LEPROTL1: variants seen among roughly 807,000 people sequenced by gnomAD.
The protein encoded by LEPROTL1 is leptin receptor overlapping transcript-like 1.
In LEPROTL1, 6 loss-of-function variants were observed where a neutral mutation model predicts 15.4. The observed-to-expected ratio is 0.39, with a 90% CI of 0.21 to 0.77. LEPROTL1 has a LOEUF of 0.77. Ranked by LOEUF, LEPROTL1 falls within the 30% of genes least tolerant of loss-of-function variation. The pLI is 0.41. For missense variants in LEPROTL1, 128 were observed against 158.1 expected, an observed-to-expected ratio of 0.81 and a Z score of 1.02; for synonymous variants, 56 against 52.6, an observed-to-expected ratio of 1.06 and a Z score of -0.28.
chr8:30,110,404 G>A (rs1158089071), downstream of LEPROTL1, among the ~76,000 whole-genome samples: 1 of 151,990 alleles, frequency 6.6e-6, no homozygotes, highest in Non-Finnish European at 1.5e-5. Flanking sequence ...TGTAGTGGGG[G>A]CAGAATCAGG....
intron 3 of LEPROTL1, chr8:30,117,509 C>T: frequency 1.4e-6 from 2 of 1,384,216 alleles, no homozygotes; most frequent in Non-Finnish European, 2.0e-6. Context: ...AGATTTTCTG[C>T]CATTTTTCCA....
chr8:30,110,724 ACT>A (rs1484300898), downstream of LEPROTL1, among the ~76,000 whole-genome samples: 4 of 151,924 alleles, frequency 2.6e-5, no homozygotes, highest in East Asian at 1.9e-4. Flanking sequence ...GCAGAGTGAG[ACT>A]CTGTCCCAAA....
rs756690036 is a variant in LEPROTL1, at chr8:30,104,351, A to G, written c.144A>G (p.Pro48=). ...VLFFYILSPI[P]YCIARRLVDD... is the part of the protein sequence containing the mutation. ...TTTTTTACATCCTTTCACCTATTCC[A>G]TACTGCATAGCAAGAAGATTAGTGG... The change falls in exon 3 of 4, where the codon CCA becomes CCG. Residue 48 remains proline (P), a synonymous_variant. Transcript: ENST00000321250. The G allele has an allele frequency of 1.2e-6, 2 of 1,607,384 alleles. No individual in the cohort carries two copies. The highest frequency in any genetic ancestry group is 1.1e-5 in the South Asian group (1 of 89,582).
intron 3 of LEPROTL1, among the ~76,000 whole-genome samples, chr8:30,121,872 T>TA (rs34458598): frequency 0.98 from 148,540 of 151,008 alleles, 73,093 homozygotes; most frequent in Middle Eastern, 1. Context: ...TTTTTATCTT[T>TA]AAAAAAAAAT....
downstream of LEPROTL1, among the ~76,000 whole-genome samples, chr8:30,112,401 ATTTTTTTTTTTTT>A (rs10684450): frequency 9.3e-4 from 26 of 27,890 alleles, 2 homozygotes; most frequent in Admixed American, 4.9e-3. Context: ...TGCCCAGCTA[ATTTTTTTTTTTTT>A]TTTTTTTTTT....
rs36203909 is a variant in LEPROTL1, at chr8:30,106,569, TTAAGG to T, written c.*713_*717del. ...TTGTTAGAAGAATTTATGTTAAACT[TTAAGG>T]TAAGGGTGTAAAAACATTTTTGAGA... On this transcript the variant is annotated 3_prime_UTR_variant, in exon 4 of 4. Transcript: ENST00000321250. The T allele has an allele frequency of 6.2e-3, 6,135 of 984,704 alleles. 305 individuals carry two copies. The African/African-American group carries it at 0.099, about 16-fold the overall frequency. The allele number at this position is 984,704 out of a possible 1,614,324, so 61.0% of individuals were successfully genotyped here.
At chr8:30,108,797 T>A (rs2117492704), downstream of LEPROTL1, among the ~76,000 whole-genome samples, 1 of 152,218 alleles carries the variant, frequency 6.6e-6, no homozygotes, top group Admixed American at 6.5e-5. Flanking sequence ...CTGGCTAATT[T>A]TTGTATTTCT....
At chr8:30,126,515 G>A (rs978310966) in intron 3 of LEPROTL1, among the ~76,000 whole-genome samples, 4 of 152,212 alleles carry the variant, frequency 2.6e-5, no homozygotes, top group Non-Finnish European at 4.4e-5. Context: ...CAGACTGAAT[G>A]TGTATCAGTG....
chr8:30,119,929 C>T (rs1054384094), intron 3 of LEPROTL1, among the ~76,000 whole-genome samples: 6 of 152,130 alleles, frequency 3.9e-5, no homozygotes, highest in East Asian at 3.9e-4. Flanking sequence ...ACTAGCAGAG[C>T]GTGGTGGCGT....
chr8:30,115,041 T>C (rs1040365402), intron 3 of LEPROTL1, among the ~76,000 whole-genome samples: 1 of 152,118 alleles, frequency 6.6e-6, no homozygotes, highest in Admixed American at 6.5e-5. Context: ...CTCCTGAAAC[T>C]CATGTACAGT....
At chr8:30,096,244 A>G in intron 1 of LEPROTL1, 3 of 960,294 alleles carry the variant, frequency 3.1e-6, no homozygotes, top group Non-Finnish European at 3.7e-6. Context: ...CAACTTAATG[A>G]AAAACTACTG....
chr8:30,132,424 C>T lies in LEPROTL1; in HGVS notation c.329C>T (p.Thr110Ile), dbSNP rs1387820433. The T allele has an allele frequency of 3.2e-6, 5 of 1,551,638 alleles. No individual in the cohort carries two copies. In the African/African-American group the frequency reaches 6.8e-5, roughly 21 times the overall value. ...ATATCCCTCCTCTCCAGGGCTCTGA[C>T]CAAGCTCAGGCCCAAAGCCCGCTGC... The change falls in exon 4 of 5, where the codon ACC becomes ATC. Residue 110 changes from threonine to isoleucine, a missense_variant. Thr to Ile is a moderately conservative substitution (Grantham distance 89). Coordinates refer to the LEPROTL1 transcript ENST00000442880.
At chr8:30,137,297 A>G in exon 5 of LEPROTL1, 1 of 1,551,672 alleles carries the variant, frequency 6.4e-7, no homozygotes, top group Non-Finnish European at 8.7e-7. Flanking sequence ...TTCTTCAGCA[A>G]GATGGGAACA....
intron 3 of LEPROTL1, among the ~76,000 whole-genome samples, chr8:30,119,313 C>T (rs1585473887): frequency 6.6e-6 from 1 of 152,122 alleles, no homozygotes; most frequent in African/African-American, 2.4e-5. Context: ...GGGTACAGGT[C>T]AAAATGGAGT....
intron 1 of LEPROTL1, among the ~76,000 whole-genome samples, chr8:30,099,913 T>G (rs1240371214): frequency 6.6e-6 from 1 of 152,174 alleles, no homozygotes; most frequent in East Asian, 1.9e-4. Flanking sequence ...TGTAGTAGCC[T>G]GGTGTGACAC....
In LEPROTL1 at chr8:30,105,767, C is replaced by T; in HGVS notation, c.301C>T (p.Leu101Phe). ...AHLIEWGACA[L>F]VLTGNTVIFA... ...ATAGATTGAGTGGGGAGCTTGTGCA[C>T]TTGTTCTCACAGGAAACACAGTCAT... The change falls in exon 4 of 4, where the codon CTT becomes TTT. Residue 101 changes from leucine to phenylalanine, a missense_variant. By Grantham distance (22) the Leu-to-Phe change is conservative. Coordinates refer to ENST00000321250, the MANE Select transcript of LEPROTL1 (RefSeq NM_015344.3). 8 of 1,587,866 alleles carry T rather than the reference C, an allele frequency of 5.0e-6. No homozygotes were observed. The highest frequency in any genetic ancestry group is 6.9e-6 in the Non-Finnish European group (8 of 1,165,940).
At chr8:30,117,104 G>C (rs1802753484) in intron 3 of LEPROTL1, among the ~76,000 whole-genome samples, 1 of 151,958 alleles carries the variant, frequency 6.6e-6, no homozygotes, top group African/African-American at 2.4e-5. Context: ...CATACTGTTT[G>C]ACCTACTAAC....
intron 1 of LEPROTL1, among the ~76,000 whole-genome samples, chr8:30,100,379 GTTATT>G (rs1802446135): frequency 6.6e-6 from 1 of 152,168 alleles, no homozygotes; most frequent in Non-Finnish European, 1.5e-5. Context: ...AACAAAACTA[GTTATT>G]TTCTTAGCCA....
At chr8:30,133,077 A>G (rs1172084679) in intron 4 of LEPROTL1, among the ~76,000 whole-genome samples, 4 of 152,062 alleles carry the variant, frequency 2.6e-5, no homozygotes, top group African/African-American at 7.2e-5. Flanking sequence ...AAATAAATCA[A>G]TCTTATTTAT....
Sources: allele counts gnomAD v4.1 joint callset (sites outside exome capture counted in the v4.1 genomes callset), GRCh38; gene constraint gnomAD v4.1.1; transcripts MANE v1.5; gene names NCBI Gene and HGNC (gene_info 2026-07-23, HGNC 2026-07-21).